SOX5: variants seen among roughly 807,000 people sequenced by gnomAD.
The protein encoded by SOX5 is transcription factor SOX-5.
In SOX5, 9 loss-of-function variants were observed where a neutral mutation model predicts 92.0. That is an observed-to-expected ratio of 0.10 (90% CI 0.06 to 0.17). The LOEUF is 0.17. Ranked by LOEUF, SOX5 falls within the 10% of genes least tolerant of loss-of-function variation. SOX5 has a pLI of 1.00. For missense variants in SOX5, 642 were observed against 944.5 expected (o/e 0.68, Z 4.20); for synonymous variants, 344 against 336.3 (o/e 1.02, Z -0.25).
At chr12:24,186,393 T>A (rs572676971) in intron 4 of SOX5, among the ~76,000 whole-genome samples, 90 of 152,248 alleles carry the variant, frequency 5.9e-4, no homozygotes, top group Non-Finnish European at 1.0e-3. Context: ...TTAAGAGGCG[T>A]TTGTTTTTGT....
chr12:23,697,781 C>T (rs2090085660), intron 6 of SOX5, among the ~76,000 whole-genome samples: 1 of 152,128 alleles, frequency 6.6e-6, no homozygotes, highest in Non-Finnish European at 1.5e-5. Context: ...GAACTCCTGA[C>T]CTCAAGAGAT....
intron 4 of SOX5, among the ~76,000 whole-genome samples, chr12:24,110,338 T>C (rs1304455889): frequency 6.6e-6 from 1 of 152,222 alleles, no homozygotes; most frequent in Non-Finnish European, 1.5e-5. Flanking sequence ...CAGTCATCTT[T>C]ACCATCTACC....
intron 2 of SOX5, among the ~76,000 whole-genome samples, chr12:24,355,995 T>G (rs1005195767): frequency 2.0e-5 from 3 of 152,096 alleles, no homozygotes; most frequent in African/African-American, 7.3e-5. Flanking sequence ...CCAGCCCAAT[T>G]TATTCTTTGT....
chr12:23,834,530 G>A (rs1294692310), intron 3 of SOX5, among the ~76,000 whole-genome samples: 1 of 151,988 alleles, frequency 6.6e-6, no homozygotes, highest in Middle Eastern at 3.4e-3. Flanking sequence ...CACCTGGCAG[G>A]AGAGTTGGAC....
Position 23,531,247 on chromosome 12 carries a change from T to G in SOX5, c.*2972A>C, listed in dbSNP as rs147804020. 1 of 152,210 alleles carries G rather than the reference T, an allele frequency of 6.6e-6. No individual in the cohort carries two copies. The highest frequency in any genetic ancestry group is 6.5e-5 in the Admixed American group (1 of 15,282). 9.4% of individuals were successfully genotyped at this position (152,210 alleles called of 1,614,324 possible). ...TGAACTTGCTTTTTGTTTCGGTTCA[T>G]GCACAGTTTAGTCTCGGACATAAAC... On this transcript the variant is annotated 3_prime_UTR_variant, in exon 15 of 15. Transcript: ENST00000451604.
At chr12:23,589,245 A>T (rs1328892081) in intron 9 of SOX5, among the ~76,000 whole-genome samples, 2 of 151,902 alleles carry the variant, frequency 1.3e-5, no homozygotes, top group Non-Finnish European at 2.9e-5. Context: ...ATGAAATACA[A>T]TTTTTTCCAT....
chr12:23,966,737 A>T (rs1380587416), intron 4 of SOX5, among the ~76,000 whole-genome samples: 2 of 152,198 alleles, frequency 1.3e-5, no homozygotes, highest in Admixed American at 1.3e-4. Context: ...TGGGGATAAC[A>T]ATACTTATCT....
chr12:23,968,741 C>T (rs1338043670), intron 4 of SOX5, among the ~76,000 whole-genome samples: 1 of 152,188 alleles, frequency 6.6e-6, no homozygotes, highest in Non-Finnish European at 1.5e-5. Flanking sequence ...TCAGCATTCC[C>T]TTCTCTTTAC....
intron 2 of SOX5, among the ~76,000 whole-genome samples, chr12:24,290,829 T>C (rs1946539986): frequency 1.3e-5 from 2 of 152,114 alleles, no homozygotes; most frequent in Admixed American, 6.5e-5. Context: ...ACCAATAGCT[T>C]CCCAGACAAA....
chr12:23,880,047 G>C (rs1267885690), intron 2 of SOX5, among the ~76,000 whole-genome samples: 5 of 152,188 alleles, frequency 3.3e-5, no homozygotes, highest in African/African-American at 9.7e-5. Context: ...GCCCCAGTGT[G>C]AGGATGCACC....
chr12:24,475,998 A>AT (rs146081992), intron 1 of SOX5, among the ~76,000 whole-genome samples: 39,603 of 131,504 alleles, frequency 0.3, 6,354 homozygotes, highest in East Asian at 0.75. Flanking sequence ...ACATTTAAAA[A>AT]AAAAAAAAAA....
intron 3 of SOX5, among the ~76,000 whole-genome samples, chr12:24,246,732 G>T (rs1016692999): frequency 5.3e-5 from 8 of 152,106 alleles, no homozygotes; most frequent in African/African-American, 1.9e-4. Context: ...CAAAGACAAA[G>T]TATTTTCAAC....
At chr12:24,139,739 G>A (rs1338949329) in intron 4 of SOX5, among the ~76,000 whole-genome samples, 1 of 151,998 alleles carries the variant, frequency 6.6e-6, no homozygotes, top group South Asian at 2.1e-4. Flanking sequence ...TTTTAAATTC[G>A]GCTTAACGGG....
At chr12:23,641,130 T>C (rs1347968268) in intron 7 of SOX5, among the ~76,000 whole-genome samples, 1 of 152,144 alleles carries the variant, frequency 6.6e-6, no homozygotes, top group Admixed American at 6.5e-5. Context: ...TTTTTCATGA[T>C]GTATTTAGGA....
chr12:23,936,766 T>C (rs368692834), intron 1 of SOX5, among the ~76,000 whole-genome samples: 3 of 151,118 alleles, frequency 2.0e-5, no homozygotes, highest in Non-Finnish European at 4.5e-5. Flanking sequence ...ATAATGTTAA[T>C]ATAGATTTTA....
intron 4 of SOX5, among the ~76,000 whole-genome samples, chr12:23,965,465 C>T (rs753977196): frequency 6.6e-6 from 1 of 152,158 alleles, no homozygotes; most frequent in Non-Finnish European, 1.5e-5. Flanking sequence ...GTAAAGTTCT[C>T]TAGCACTGGA....
chr12:23,590,553 T>C (rs1305433300), intron 9 of SOX5, among the ~76,000 whole-genome samples: 1 of 152,068 alleles, frequency 6.6e-6, no homozygotes, highest in Non-Finnish European at 1.5e-5. Context: ...CAGGTTATGT[T>C]ACAAAGTTTC....
chr12:24,022,320 T>A (rs1439944729), intron 4 of SOX5, among the ~76,000 whole-genome samples: 1 of 152,106 alleles, frequency 6.6e-6, no homozygotes, highest in African/African-American at 2.4e-5. Context: ...TGAGAGAGCA[T>A]GACAAGTGGA....
chr12:23,943,291 G>A lies in SOX5; in HGVS notation c.38+6273C>T, dbSNP rs1214934089. Among the ~76,000 whole-genome samples the A allele has an allele frequency of 2.6e-5, 4 of 151,634 alleles. No individual in the cohort carries two copies. The East Asian group carries it at 7.8e-4, about 30-fold the overall frequency. ...AAAAAATCTCTTTAACTTCAATAAA[G>A]AACTTTGATCCTTAATGCAAGAAAA... is the stretch of plus-strand genomic sequence containing the variant. On this transcript the variant is annotated intron_variant, in intron 1 of 14. Coordinates refer to ENST00000451604, the MANE Select transcript of SOX5 (RefSeq NM_006940.6).
Sources: allele counts gnomAD v4.1 joint callset (sites outside exome capture counted in the v4.1 genomes callset), GRCh38; gene constraint gnomAD v4.1.1; transcripts MANE v1.5; gene names NCBI Gene and HGNC (gene_info 2026-07-23, HGNC 2026-07-21).